SEMA3A: variants seen among roughly 807,000 people sequenced by gnomAD.
The protein encoded by SEMA3A is semaphorin 3A.
SEMA3A carries 29 observed loss-of-function variants against 97.9 expected under a neutral mutation model. That is an observed-to-expected ratio of 0.30 (90% CI 0.22 to 0.40). The LOEUF (loss-of-function observed/expected upper bound fraction) is 0.40. Ranked by LOEUF, SEMA3A falls within the 10% of genes least tolerant of loss-of-function variation. The pLI, the probability that SEMA3A is intolerant of heterozygous loss-of-function variation, is 1.00. For synonymous variants in SEMA3A, 321 were observed against 323.7 expected (o/e 0.99, Z 0.09); for missense variants, 763 against 951.3 (o/e 0.80, Z 2.60).
intron 3 of SEMA3A, among the ~76,000 whole-genome samples, chr7:84,261,304 T>G (rs1458548338): frequency 6.6e-6 from 1 of 152,126 alleles, no homozygotes; most frequent in Non-Finnish European, 1.5e-5. Context: ...TCATTCTTCC[T>G]GGACACTGAA....
At chr7:84,372,052 T>A (rs1397783498) in intron 1 of SEMA3A, 1 of 152,072 alleles carries the variant, frequency 6.6e-6, no homozygotes, top group Non-Finnish European at 1.5e-5. Context: ...TTACTGATCC[T>A]GTCTCTCAGG....
chr7:83,977,096 G>A, intron 15 of SEMA3A, 36 bp downstream of exon 15: 1 of 1,326,094 alleles, frequency 7.5e-7, no homozygotes, highest in Non-Finnish European at 1.1e-6. Context: ...TTTTAGCCTG[G>A]TCTTAGCAGG....
At chr7:84,282,030 AATG>A (rs1486751539) in intron 3 of SEMA3A, among the ~76,000 whole-genome samples, 1 of 152,134 alleles carries the variant, frequency 6.6e-6, no homozygotes, top group Non-Finnish European at 1.5e-5. Context: ...GTCCATTTTA[AATG>A]ATATTTTCTA....
intron 2 of SEMA3A, among the ~76,000 whole-genome samples, chr7:84,133,719 C>G (rs1342235615): frequency 6.6e-6 from 1 of 151,836 alleles, no homozygotes; most frequent in African/African-American, 2.4e-5. Flanking sequence ...ACAATTTTCA[C>G]TAATTTGTCA....
intron 1 of SEMA3A, among the ~76,000 whole-genome samples, chr7:84,426,965 C>T (rs943551352): frequency 3.3e-5 from 5 of 152,114 alleles, no homozygotes; most frequent in African/African-American, 1.2e-4. Flanking sequence ...TATGTACATT[C>T]TCTCTAATCA....
chr7:83,976,818 A>G (rs753960845), intron 15 of SEMA3A, among the ~76,000 whole-genome samples: 3 of 152,104 alleles, frequency 2.0e-5, no homozygotes, highest in Non-Finnish European at 2.9e-5. Context: ...TACTCATCTC[A>G]GGTTGCTACT....
At chr7:84,208,724 G>A (rs1798557865) in intron 3 of SEMA3A, among the ~76,000 whole-genome samples, 1 of 152,204 alleles carries the variant, frequency 6.6e-6, no homozygotes, top group South Asian at 2.1e-4. Context: ...GGCATCTTAA[G>A]TATAAGTGGA....
At chr7:84,343,295 T>A (rs368809112) in intron 2 of SEMA3A, among the ~76,000 whole-genome samples, 4 of 152,188 alleles carry the variant, frequency 2.6e-5, no homozygotes, top group East Asian at 3.9e-4. Context: ...ATTCCATGTA[T>A]AGGAGTTTAA....
intron 3 of SEMA3A, among the ~76,000 whole-genome samples, chr7:84,294,779 C>A (rs765574184): frequency 1.3e-5 from 2 of 151,992 alleles, no homozygotes; most frequent in Non-Finnish European, 2.9e-5. Context: ...GATCAAGCTG[C>A]GAGTGAAGGA....
chr7:84,183,013 C>A (rs1197046797), intron 1 of SEMA3A, among the ~76,000 whole-genome samples: 1 of 152,056 alleles, frequency 6.6e-6, no homozygotes. Context: ...ACAAGTAAAC[C>A]ACTATGAGGG....
intron 1 of SEMA3A, among the ~76,000 whole-genome samples, chr7:84,432,192 A>G (rs1292873276): frequency 2.0e-5 from 3 of 152,120 alleles, no homozygotes; most frequent in African/African-American, 4.8e-5. Flanking sequence ...GACAAAAGCC[A>G]TTGAATGTTT....
chr7:83,980,238 T>C (rs903443117), intron 14 of SEMA3A, among the ~76,000 whole-genome samples: 10 of 152,104 alleles, frequency 6.6e-5, no homozygotes, highest in South Asian at 6.2e-4. Flanking sequence ...AGAGTTATCT[T>C]AGCAACTTTT....
At position 83,960,400 on chromosome 7, in the gene SEMA3A, A is replaced by G. The variant is rs1424588412; in HGVS notation, c.*971T>C. 6.6e-6 allele frequency: 1 copy of G among 151,890 alleles called. No individual in the cohort carries two copies. Among genetic ancestry groups the G allele is most frequent in the Non-Finnish European group, 1.5e-5 (1 of 67,880 alleles). The allele number at this position is 151,890 out of a possible 1,614,324, so 9.4% of individuals were successfully genotyped here. On this transcript the variant is annotated 3_prime_UTR_variant, in exon 17 of 17. Transcript: ENST00000265362. ...CTTAAATGTTCTGTTTTTTTTTCTA[A>G]GAACATTATGCAAGTAAAAATTAAT... is the stretch of plus-strand genomic sequence containing the variant.
At chr7:84,020,159 C>T (rs1238500640) in intron 6 of SEMA3A, among the ~76,000 whole-genome samples, 2 of 146,970 alleles carry the variant, frequency 1.4e-5, no homozygotes, top group Non-Finnish European at 3.0e-5. Context: ...GATTTTCCTG[C>T]CTCAGCCTCC....
chr7:84,163,891 G>A (rs1797124978), intron 1 of SEMA3A, among the ~76,000 whole-genome samples: 1 of 149,290 alleles, frequency 6.7e-6, no homozygotes, highest in Non-Finnish European at 1.5e-5. Flanking sequence ...TGCTGCCCAG[G>A]CTAGAGTGCA....
At chr7:84,328,090 G>A (rs751787761) in intron 2 of SEMA3A, among the ~76,000 whole-genome samples, 2 of 151,868 alleles carry the variant, frequency 1.3e-5, no homozygotes, top group Admixed American at 6.6e-5. Flanking sequence ...AATTTTGTTG[G>A]AGTGCATATA....
chr7:84,348,136 TA>T (rs1446888366), intron 2 of SEMA3A, among the ~76,000 whole-genome samples: 8 of 152,062 alleles, frequency 5.3e-5, no homozygotes, highest in Non-Finnish European at 7.4e-5. Flanking sequence ...AAAAAGTCAA[TA>T]AAAAATGCTG....
intron 1 of SEMA3A, among the ~76,000 whole-genome samples, chr7:84,473,141 G>GGT (rs61623414): frequency 0.11 from 15,845 of 141,380 alleles, 877 homozygotes; most frequent in Non-Finnish European, 0.13. Flanking sequence ...AAAAAGAAAT[G>GGT]GTGTGTGTGT....
chr7:84,213,932 G>A (rs911881638), intron 3 of SEMA3A, among the ~76,000 whole-genome samples: 6 of 152,184 alleles, frequency 3.9e-5, no homozygotes, highest in African/African-American at 1.4e-4. Flanking sequence ...ACATCCAAGT[G>A]TGTTACTAAC....
Sources: allele counts gnomAD v4.1 joint callset (sites outside exome capture counted in the v4.1 genomes callset), GRCh38; gene constraint gnomAD v4.1.1; transcripts MANE v1.5; gene names NCBI Gene and HGNC (gene_info 2026-07-23, HGNC 2026-07-21).